The following TENM3 variants were observed in gnomAD, a reference collection of about 807,000 sequenced individuals.
The protein encoded by TENM3 is teneurin transmembrane protein 3.
A neutral mutation model predicts 255.1 loss-of-function variants in TENM3; 63 were observed. The ratio of observed to expected loss-of-function variants is 0.25; its 90% CI spans 0.20 to 0.30. The LOEUF (loss-of-function observed/expected upper bound fraction) is 0.30, where lower values mean the gene tolerates loss of function less well. TENM3 is among the 10% of genes least tolerant of loss of function. The pLI is 1.00. For missense variants in TENM3, 2,929 were observed against 3,461.1 expected, an observed-to-expected ratio of 0.85 and a Z score of 3.86; for synonymous variants, 1,306 against 1,322.3, an observed-to-expected ratio of 0.99 and a Z score of 0.27.
At chr4:181,724,827 T>C in the TENM3 span, among the ~76,000 whole-genome samples, 22 of 152,348 alleles carry the variant, frequency 1.4e-4, no homozygotes, top group African/African-American at 5.3e-4. Context: ...CAGATATTTT[T>C]GGTGTTTCTT....
chr4:182,326,741 G>A (rs999214554), intron 2 of TENM3, among the ~76,000 whole-genome samples: 4 of 151,808 alleles, frequency 2.6e-5, no homozygotes, highest in South Asian at 2.1e-4. Flanking sequence ...ACAGGGTCTC[G>A]CTTGTTCCTC....
intron 7 of TENM3, among the ~76,000 whole-genome samples, chr4:182,674,863 G>A (rs560297650): frequency 4.5e-4 from 68 of 150,426 alleles, no homozygotes; most frequent in African/African-American, 1.3e-3. Flanking sequence ...GAGCCACCGC[G>A]TCTGGGCTAT....
At chr4:182,156,059 T>G (rs1750680851) in intron 1 of TENM3, among the ~76,000 whole-genome samples, 1 of 151,596 alleles carries the variant, frequency 6.6e-6, no homozygotes, top group East Asian at 1.9e-4. Flanking sequence ...TACATGTGTT[T>G]TGTGCAACTC....
chr4:181,642,620 TTTAATCCATTTTGAGTTAATTTTTGAG>T, the TENM3 span, among the ~76,000 whole-genome samples: 1 of 152,228 alleles, frequency 6.6e-6, no homozygotes, highest in East Asian at 1.9e-4. Context: ...CATTTAAGTC[TTTAATCCATTTTGAGTTAATTTTTGAG>T]TTAATCCATT....
At chr4:182,699,077 A>G (rs1757649217) in intron 12 of TENM3, among the ~76,000 whole-genome samples, 1 of 152,262 alleles carries the variant, frequency 6.6e-6, no homozygotes, top group South Asian at 2.1e-4. Context: ...GTTTAGGGTC[A>G]TATGATAAAT....
At chr4:182,092,862 A>C in the TENM3 span, among the ~76,000 whole-genome samples, 1 of 152,206 alleles carries the variant, frequency 6.6e-6, no homozygotes, top group African/African-American at 2.4e-5. Context: ...AGGCTTTTCA[A>C]GTACATAGGA....
chr4:182,582,516 A>G (rs1560957309), intron 3 of TENM3, among the ~76,000 whole-genome samples: 3 of 152,106 alleles, frequency 2.0e-5, no homozygotes, highest in Admixed American at 1.3e-4. Context: ...CCACCGGCCT[A>G]TGTGTGTAGA....
the TENM3 span, among the ~76,000 whole-genome samples, chr4:181,494,477 G>C: frequency 2.6e-5 from 4 of 152,002 alleles, no homozygotes; most frequent in Non-Finnish European, 4.4e-5. Flanking sequence ...ATAGAGATGG[G>C]GTTTCACTAT....
intron 5 of TENM3, among the ~76,000 whole-genome samples, chr4:182,638,718 G>C (rs1260132210): frequency 6.6e-6 from 1 of 152,206 alleles, no homozygotes; most frequent in Non-Finnish European, 1.5e-5. Context: ...CCATCAGCCA[G>C]CCTGGCATGA....
At chr4:182,455,134 A>G (rs62337163) in intron 3 of TENM3, among the ~76,000 whole-genome samples, 4,404 of 152,330 alleles carry the variant, frequency 0.029, 87 homozygotes, top group Middle Eastern at 0.061. Flanking sequence ...AAGATCATCA[A>G]AAATAGTTCG....
In TENM3 at chr4:182,789,264, A is replaced by G. The variant is rs564795761; in HGVS notation, c.5476A>G (p.Thr1826Ala). 1.9e-6 allele frequency: 3 copies of G among 1,613,764 alleles called. No homozygotes were observed. The South Asian group carries it at 3.3e-5, about 18-fold the overall frequency. ...GGCCGTCAATGTCACCTATTCATCC[A>G]CAGGTCAAATTGCCAGCATCCAGCG... ...LMAVNVTYSS[T>A]GQIASIQRGT... The change falls in exon 25 of 28, where the codon ACA (threonine) becomes GCA (alanine). Residue 1826 changes from threonine to alanine, a missense_variant. Coordinates refer to ENST00000511685, the MANE Select transcript of TENM3 (RefSeq NM_001080477.4). The surrounding 1 kb of genome is among the most constrained non-coding windows in gnomAD (Gnocchi z 4.4).
intron 2 of TENM3, among the ~76,000 whole-genome samples, chr4:182,326,565 C>T (rs1029014448): frequency 2.6e-5 from 4 of 152,056 alleles, no homozygotes; most frequent in East Asian, 3.9e-4. Context: ...GTGACAAGCT[C>T]GGTCTGTTGC....
chr4:181,617,398 A>G, the TENM3 span, among the ~76,000 whole-genome samples: 1 of 152,208 alleles, frequency 6.6e-6, no homozygotes, highest in East Asian at 1.9e-4. Flanking sequence ...GGAAGGGAAT[A>G]TTTCTAGATT....
chr4:182,412,010 G>A (rs1311069549), intron 3 of TENM3, among the ~76,000 whole-genome samples: 3 of 152,196 alleles, frequency 2.0e-5, no homozygotes, highest in African/African-American at 4.8e-5. Flanking sequence ...GCTTCCTACA[G>A]GATGATGAGG....
chr4:182,100,842 C>T, the TENM3 span, among the ~76,000 whole-genome samples: 4,887 of 7,406 alleles, frequency 0.66, 1,696 homozygotes, highest in East Asian at 0.78. Context: ...TATATATACT[C>T]ATATATATAT....
At chr4:181,951,134 C>T in the TENM3 span, among the ~76,000 whole-genome samples, 24,401 of 152,056 alleles carry the variant, frequency 0.16, 2,393 homozygotes, top group African/African-American at 0.27. Flanking sequence ...TTATTTTTCC[C>T]AGTTTTCTTT....
chr4:181,932,590 G>C, the TENM3 span, among the ~76,000 whole-genome samples: 1 of 152,236 alleles, frequency 6.6e-6, no homozygotes, highest in Admixed American at 6.5e-5. Context: ...TTCAACCATT[G>C]TGGAAGACAG....
the TENM3 span, among the ~76,000 whole-genome samples, chr4:181,527,743 A>G: frequency 6.6e-6 from 1 of 151,450 alleles, no homozygotes; most frequent in Admixed American, 6.6e-5. Flanking sequence ...AATAATAGAA[A>G]CATTCATAAT....
chr4:181,843,608 A>G, the TENM3 span, among the ~76,000 whole-genome samples: 1 of 152,128 alleles, frequency 6.6e-6, no homozygotes, highest in Non-Finnish European at 1.5e-5. Context: ...TGCTGCTATC[A>G]TAGAACACCG....
Sources: gnomAD v4.1 joint callset for allele counts (sites outside exome capture counted in the v4.1 genomes callset) on GRCh38, gnomAD v4.1.1 for gene constraint, Gnocchi (gnomAD v3.1) non-coding constraint, MANE v1.5 for transcripts, NCBI Gene and HGNC (gene_info 2026-07-23, HGNC 2026-07-21) for gene names.